The following NMNAT3 variants were observed in gnomAD, a reference collection of about 807,000 sequenced individuals.
NMNAT3 encodes nicotinamide/nicotinic acid mononucleotide adenylyltransferase 3.
A neutral mutation model predicts 24.8 loss-of-function variants in NMNAT3; 21 were observed. The ratio of observed to expected loss-of-function variants is 0.85; its 90% CI spans 0.60 to 1.22. The LOEUF (loss-of-function observed/expected upper bound fraction) is 1.22. NMNAT3 is among the 50% of genes most tolerant of loss of function. The pLI is 0.00. For synonymous variants in NMNAT3, 136 were observed against 155.2 expected (o/e 0.88, Z 0.92); for missense variants, 387 against 436.6 (o/e 0.89, Z 1.01).
rs528424879 is a variant in NMNAT3, at chr3:139,613,995, G to C, written c.109+13621C>G. ...CACACCAGGGCCTGTTGTGGGGTGG[G>C]GGAAGGGGGGAGGGATAGCATTAGG... On this transcript the variant is annotated intron_variant, in intron 3 of 6. Transcript: ENST00000643695. 7.8e-4 allele frequency among the ~76,000 whole-genome samples: 118 copies of C among 152,074 alleles called. 2 individuals are homozygous for C. In the South Asian group the frequency reaches 0.015, roughly 19 times the overall value.
At chr3:139,589,867 C>CCATATAGAGAAAGGG (rs1288556762) in intron 3 of NMNAT3, among the ~76,000 whole-genome samples, 3 of 152,124 alleles carry the variant, frequency 2.0e-5, no homozygotes, top group Non-Finnish European at 4.4e-5. Flanking sequence ...GAAAATTTAC[C>CCATATAGAGAAAGGG]TCCTCTATAC....
chr3:139,656,582 G>A (rs1180589289), intron 1 of NMNAT3, among the ~76,000 whole-genome samples: 1 of 152,206 alleles, frequency 6.6e-6, no homozygotes, highest in African/African-American at 2.4e-5. Context: ...GAGGTTAGGA[G>A]TTTGAGACCA....
At chr3:139,623,183 ATATCCT>A (rs2055881009) in intron 3 of NMNAT3, among the ~76,000 whole-genome samples, 2 of 152,132 alleles carry the variant, frequency 1.3e-5, no homozygotes, top group African/African-American at 2.4e-5. Context: ...ATTTTTCTTC[ATATCCT>A]TATCCTGTAA....
chr3:139,627,977 G>A (rs572718612), intron 2 of NMNAT3, among the ~76,000 whole-genome samples: 11 of 152,268 alleles, frequency 7.2e-5, no homozygotes, highest in South Asian at 4.1e-4. Context: ...CCTTTTTAAC[G>A]ACCCTGAGTG....
At chr3:139,642,254 C>A (rs2056730962) in intron 1 of NMNAT3, among the ~76,000 whole-genome samples, 1 of 152,212 alleles carries the variant, frequency 6.6e-6, no homozygotes, top group Non-Finnish European at 1.5e-5. Context: ...GCCTGCTGAT[C>A]AGGTGTTCAG....
chr3:139,587,556 T>C (rs1228196579), intron 3 of NMNAT3, among the ~76,000 whole-genome samples: 2 of 151,918 alleles, frequency 1.3e-5, no homozygotes, highest in Non-Finnish European at 2.9e-5. Flanking sequence ...CTTGGGGAGG[T>C]AGGCAGGAAA....
chr3:139,654,762 A>T (rs943821673), intron 1 of NMNAT3, among the ~76,000 whole-genome samples: 7 of 152,256 alleles, frequency 4.6e-5, no homozygotes, highest in African/African-American at 1.7e-4. Context: ...TCAAAGACAA[A>T]CTTTAAAATG....
At chr3:139,658,104 G>A (rs532809323) in intron 1 of NMNAT3, among the ~76,000 whole-genome samples, 65 of 152,126 alleles carry the variant, frequency 4.3e-4, no homozygotes, top group African/African-American at 1.5e-3. Context: ...TCTGCTGGTT[G>A]AAGGAGCTCG....
chr3:139,608,079 T>A (rs1576633483), intron 3 of NMNAT3, among the ~76,000 whole-genome samples: 1 of 152,238 alleles, frequency 6.6e-6, no homozygotes, highest in East Asian at 1.9e-4. Context: ...CTTTATGGTC[T>A]GTTTAGCAAA....
chr3:139,604,383 A>T (rs1253517325), intron 3 of NMNAT3, among the ~76,000 whole-genome samples: 1 of 152,232 alleles, frequency 6.6e-6, no homozygotes, highest in African/African-American at 2.4e-5. Context: ...ATTACATTTT[A>T]TGTATGCATT....
At chr3:139,662,798 A>G (rs2057457796) in intron 1 of NMNAT3, among the ~76,000 whole-genome samples, 1 of 152,132 alleles carries the variant, frequency 6.6e-6, no homozygotes, top group Non-Finnish European at 1.5e-5. Flanking sequence ...TTGGTTCTTC[A>G]GACACCTGCC....
intron 4 of NMNAT3, among the ~76,000 whole-genome samples, chr3:139,582,144 G>T (rs780251487): frequency 7.8e-6 from 1 of 128,334 alleles, no homozygotes; most frequent in East Asian, 2.6e-4. Context: ...GCAGTGAGCC[G>T]AGATTACGCC....
chr3:139,617,857 A>T (rs967559724), intron 3 of NMNAT3, among the ~76,000 whole-genome samples: 1 of 152,260 alleles, frequency 6.6e-6, no homozygotes, highest in Non-Finnish European at 1.5e-5. Context: ...ATCTTAAGAG[A>T]AATGCAGGCT....
At chr3:139,667,904 A>G (rs555641993) in intron 1 of NMNAT3, among the ~76,000 whole-genome samples, 29 of 152,348 alleles carry the variant, frequency 1.9e-4, no homozygotes, top group African/African-American at 7.0e-4. Context: ...TGCTGACTCT[A>G]GAGGCCTATA....
At chr3:139,653,053 A>G (rs2057107652) in intron 1 of NMNAT3, among the ~76,000 whole-genome samples, 1 of 152,180 alleles carries the variant, frequency 6.6e-6, no homozygotes, top group African/African-American at 2.4e-5. Context: ...AAAGGAAAGG[A>G]TAGATTGGCA....
At chr3:139,621,261 T>C (rs1217864488) in intron 3 of NMNAT3, among the ~76,000 whole-genome samples, 2 of 152,266 alleles carry the variant, frequency 1.3e-5, no homozygotes, top group East Asian at 3.8e-4. Context: ...GATCTTCATC[T>C]GCATTTCCCT....
intron 3 of NMNAT3, chr3:139,583,422 A>G (rs1157702520): frequency 6.3e-7 from 1 of 1,591,432 alleles, no homozygotes. Flanking sequence ...CATTTGAGAC[A>G]TTTTGATCTC....
At chr3:139,579,423 C>T (rs1221012397) in intron 4 of NMNAT3, among the ~76,000 whole-genome samples, 1 of 152,168 alleles carries the variant, frequency 6.6e-6, no homozygotes, top group East Asian at 1.9e-4. Context: ...AACAGGGGCA[C>T]TATTTTTGCC....
Position 139,593,531 on chromosome 3 carries a change from C to A in NMNAT3, c.110-10323G>T, listed in dbSNP as rs189426766. On this transcript the variant is annotated intron_variant, in intron 3 of 6. Coordinates refer to ENST00000643695, the MANE Select transcript of NMNAT3 (RefSeq NM_001320510.2). ...ACATTTTTTTCAGCACCACACCCCACCTATTCCAACATTGACCACATAGTT... is the reference window on the plus strand; with the variant it reads ...ACATTTTTTTCAGCACCACACCCCAACTATTCCAACATTGACCACATAGTT... Among the ~76,000 whole-genome samples the A allele has an allele frequency of 1.4e-3, 206 of 152,302 alleles. 1 individual carries two copies. Among genetic ancestry groups the A allele is most frequent in the African/African-American group, 4.6e-3 (190 of 41,546 alleles).
Sources: allele counts gnomAD v4.1 joint callset (sites outside exome capture counted in the v4.1 genomes callset), GRCh38; gene constraint gnomAD v4.1.1; transcripts MANE v1.5; gene names NCBI Gene and HGNC (gene_info 2026-07-23, HGNC 2026-07-21).